Variants in FRZB observed in about 807,000 individuals in gnomAD.
FRZB encodes the protein secreted frizzled-related protein 3.
In FRZB, 34 loss-of-function variants were observed where a neutral mutation model predicts 32.5. The ratio of observed to expected loss-of-function variants is 1.05; its 90% confidence interval spans 0.80 to 1.39. FRZB has a LOEUF of 1.39. Among genes scored for constraint, FRZB ranks in the 40% most tolerant of loss-of-function variants. The pLI is 0.00. For missense variants in FRZB, 423 were observed against 424.8 expected (o/e 1.00, Z 0.04); for synonymous variants, 170 against 159.2 (o/e 1.07, Z -0.51).
chr2:182,863,673 C>G (rs1695858822), intron 1 of FRZB, among the ~76,000 whole-genome samples: 1 of 137,316 alleles, frequency 7.3e-6, no homozygotes, highest in African/African-American at 2.5e-5. Flanking sequence ...CTGTTTATAC[C>G]CAGTTGAATA....
At chr2:182,864,589 C>CT (rs1447736429) in intron 1 of FRZB, among the ~76,000 whole-genome samples, 1 of 152,218 alleles carries the variant, frequency 6.6e-6, no homozygotes, top group Non-Finnish European at 1.5e-5. Flanking sequence ...AAGTGATAAA[C>CT]TAAGTGAGGT....
chr2:182,836,389 C>T (rs1695525840), intron 5 of FRZB, among the ~76,000 whole-genome samples: 2 of 152,054 alleles, frequency 1.3e-5, no homozygotes, highest in African/African-American at 4.8e-5. Flanking sequence ...AACTCTTTAG[C>T]CCTCAATATC....
At chr2:182,862,440 G>T (rs574020781) in intron 1 of FRZB, among the ~76,000 whole-genome samples, 5 of 152,076 alleles carry the variant, frequency 3.3e-5, no homozygotes, top group Non-Finnish European at 7.4e-5. Context: ...TTTTTCTGTC[G>T]CTCCCAAGGG....
intron 5 of FRZB, among the ~76,000 whole-genome samples, chr2:182,836,449 T>C (rs1302172623): frequency 6.6e-6 from 1 of 152,110 alleles, no homozygotes; most frequent in Non-Finnish European, 1.5e-5. Flanking sequence ...TCCTTTAGAA[T>C]ATTTAAATCC....
intron 2 of FRZB, among the ~76,000 whole-genome samples, chr2:182,851,339 CA>C (rs1190034772): frequency 6.6e-6 from 1 of 152,104 alleles, no homozygotes; most frequent in Non-Finnish European, 1.5e-5. Context: ...GAGAAAGTTA[CA>C]AAAGAGAAAG....
intron 2 of FRZB, among the ~76,000 whole-genome samples, chr2:182,851,261 G>A (rs1244609502): frequency 6.6e-6 from 1 of 152,152 alleles, no homozygotes; most frequent in Non-Finnish European, 1.5e-5. Flanking sequence ...GGTGAGATCG[G>A]TGGACTAAAA....
chr2:182,851,673 C>A (rs1312053594), intron 2 of FRZB, among the ~76,000 whole-genome samples: 14 of 148,770 alleles, frequency 9.4e-5, no homozygotes, highest in African/African-American at 2.5e-4. Context: ...CAAAACAAAA[C>A]AAAAAACAAA....
At chr2:182,847,637 A>G (rs1452773678) in intron 2 of FRZB, among the ~76,000 whole-genome samples, 1 of 152,218 alleles carries the variant, frequency 6.6e-6, no homozygotes, top group African/African-American at 2.4e-5. Context: ...GGTTGGTGGA[A>G]TAATGAGGGT....
intron 3 of FRZB, among the ~76,000 whole-genome samples, chr2:182,839,974 C>T (rs755018942): frequency 2.6e-5 from 4 of 152,032 alleles, no homozygotes; most frequent in African/African-American, 9.7e-5. Flanking sequence ...CCATTCCCCC[C>T]ATTAATGTTC....
intron 2 of FRZB, among the ~76,000 whole-genome samples, chr2:182,849,207 A>G: frequency 6.6e-6 from 1 of 151,862 alleles, no homozygotes; most frequent in East Asian, 1.9e-4. Context: ...AGCCTGGGCG[A>G]CAGAGCAAGA....
chr2:182,862,279 C>T (rs758257357), intron 1 of FRZB, among the ~76,000 whole-genome samples: 1 of 152,190 alleles, frequency 6.6e-6, no homozygotes, highest in Non-Finnish European at 1.5e-5. Context: ...CCAGCACTGA[C>T]TGAGGAATGA....
chr2:182,866,598 A>G lies in FRZB; in HGVS notation c.-46T>C. The G allele has an allele frequency of 7.6e-7, 1 of 1,318,738 alleles. No homozygotes were observed. The highest frequency in any genetic ancestry group is 1.0e-6 in the Non-Finnish European group (1 of 1,002,062). 81.7% of individuals were successfully genotyped at this position (1,318,738 alleles called of 1,614,324 possible). ...GGGTGCAGCCGCGCAGTGGACGCCA[A>G]AAGGCCCGCTCCGCCGTCTCCGCCT... On this transcript the variant is annotated 5_prime_UTR_variant, in exon 1 of 6. Transcript: ENST00000295113. This position sits in a 1 kb window ranked among gnomAD's most constrained non-coding sequence, Gnocchi z 4.5.
intron 1 of FRZB, among the ~76,000 whole-genome samples, chr2:182,864,084 T>A (rs1695863505): frequency 6.6e-6 from 1 of 152,210 alleles, no homozygotes; most frequent in South Asian, 2.1e-4. Flanking sequence ...TCAGGTCCCA[T>A]GAACTGACAA....
rs548466465 is a variant in FRZB, at chr2:182,856,919, G to T, written c.526+1867C>A. Among the ~76,000 whole-genome samples, 11 of 151,710 alleles carry T rather than the reference G, an allele frequency of 7.3e-5. No homozygotes were observed. In the East Asian group the frequency reaches 1.9e-3, roughly 27 times the overall value. The stretch of plus-strand genomic sequence containing the variant: ...AATAGATCTAGTAGACAGAAAATCA[G>T]CAAGAATATAAAAGAACTAAATAAC... On this transcript the variant is annotated intron_variant, in intron 2 of 5. Transcript: ENST00000295113.
At chr2:182,846,328 A>G (rs1478191125) in intron 2 of FRZB, among the ~76,000 whole-genome samples, 2 of 152,204 alleles carry the variant, frequency 1.3e-5, no homozygotes, top group Non-Finnish European at 2.9e-5. Flanking sequence ...GGTCTTATCC[A>G]GAGGTGTAAG....
In FRZB at chr2:182,834,814, G is replaced by C. The variant is rs755968127; in HGVS notation, c.*35C>G. 7 of 1,446,344 alleles carry C rather than the reference G, an allele frequency of 4.8e-6. No homozygotes were observed. In the Admixed American group the frequency reaches 6.7e-5, roughly 14 times the overall value. The allele number at this position is 1,446,344 out of a possible 1,614,324, so 89.6% of individuals were successfully genotyped here. A position where few individuals can be genotyped will look rare whatever the true frequency, so the allele number is the denominator to read the frequency against. The stretch of plus-strand genomic sequence containing the variant: ...CCAGCAATGCAAGTAAGTCTTAATA[G>C]GAAGTCCACTGTGTTACTTTTTGTA... On this transcript the variant is annotated 3_prime_UTR_variant, in exon 6 of 6. Coordinates refer to ENST00000295113, the MANE Select transcript of FRZB (RefSeq NM_001463.4).
At chr2:182,863,260 G>A (rs1695854440) in intron 1 of FRZB, among the ~76,000 whole-genome samples, 1 of 152,182 alleles carries the variant, frequency 6.6e-6, no homozygotes, top group South Asian at 2.1e-4. Context: ...TTAAAGATTT[G>A]ACTGAATGTC....
rs757768560 is a variant in FRZB at position 182,838,393 on chromosome 2, T to C, written c.797+16A>G. ...TAAGCAAAGTAGTTATTCTGTATCC[T>C]TAAAGAGTGAATTACCTGGAACGTT... On this transcript the variant is annotated intron_variant, in intron 4 of 5. Transcript: ENST00000295113. The C allele has an allele frequency of 1.1e-5, 17 of 1,591,356 alleles. No homozygotes were observed. Among genetic ancestry groups the C allele is most frequent in the Non-Finnish European group, 1.7e-6 (2 of 1,160,118 alleles).
chr2:182,854,532 A>G (rs1695747090), intron 2 of FRZB, among the ~76,000 whole-genome samples: 1 of 152,098 alleles, frequency 6.6e-6, no homozygotes, highest in African/African-American at 2.4e-5. Flanking sequence ...GACAGAGTAC[A>G]CTCCAGTTCT....
Sources: allele counts gnomAD v4.1 joint callset (sites outside exome capture counted in the v4.1 genomes callset), GRCh38; gene constraint gnomAD v4.1.1; non-coding constraint Gnocchi (gnomAD v3.1); transcripts MANE v1.5; gene names NCBI Gene and HGNC (gene_info 2026-07-23, HGNC 2026-07-21).